VPS45: variants seen among roughly 807,000 people sequenced by gnomAD.
The protein encoded by VPS45 is vacuolar protein sorting 45 homolog, also known as vacuolar protein sorting-associated protein 45.
A neutral mutation model predicts 75.9 loss-of-function variants in VPS45; 35 were observed. The observed-to-expected ratio is 0.46, with a 90% CI of 0.35 to 0.61. The LOEUF (loss-of-function observed/expected upper bound fraction) is 0.61, where lower values mean the gene tolerates loss of function less well. VPS45 is among the 20% of genes least tolerant of loss of function. VPS45 has a pLI of 0.00. For missense variants in VPS45, 559 were observed against 685.9 expected (o/e 0.81, Z 2.07); for synonymous variants, 220 against 238.2 (o/e 0.92, Z 0.70).
At chr1:150,085,527 C>A (rs587606033) in intron 10 of VPS45, among the ~76,000 whole-genome samples, 1 of 152,122 alleles carries the variant, frequency 6.6e-6, no homozygotes, top group African/African-American at 2.4e-5. Flanking sequence ...GATTTGGAGT[C>A]CCCCATCATA....
intron 13 of VPS45, 152 bp from the exon 14 acceptor site, chr1:150,110,344 T>C: frequency 2.8e-6 from 2 of 705,564 alleles, no homozygotes; most frequent in Non-Finnish European, 4.3e-6. Flanking sequence ...TTTCAGATAA[T>C]TGAAACTTTT....
At chr1:150,136,499 G>A (rs1394815866) in intron 14 of VPS45, among the ~76,000 whole-genome samples, 9 of 151,998 alleles carry the variant, frequency 5.9e-5, no homozygotes, top group Admixed American at 6.5e-5. Context: ...AGGTTGCAGC[G>A]AGCCAAGATC....
At chr1:150,136,303 C>T (rs1553813691) in intron 14 of VPS45, among the ~76,000 whole-genome samples, 1 of 149,148 alleles carries the variant, frequency 6.7e-6, no homozygotes, top group Admixed American at 6.7e-5. Context: ...CCTGTAATCT[C>T]GGCACTTTGG....
intron 11 of VPS45, 31 bp downstream of exon 11, chr1:150,092,126 A>T (rs1553802048): frequency 6.2e-7 from 1 of 1,600,314 alleles, no homozygotes; most frequent in East Asian, 2.2e-5. Context: ...CCCACCAAAC[A>T]GGAACCAACT....
rs587615396 is a variant in VPS45, at chr1:150,072,310, T to G, written c.289+84T>G. ...TTGAGCCCTTCATATCATCAATAAC[T>G]TCATTGAATCTGTCACTATAAAAGT... On this transcript the variant is annotated intron_variant, in intron 3 of 14. Transcript: ENST00000644510. 7.5e-4 allele frequency: 704 copies of G among 940,230 alleles called. 4 individuals are homozygous for G. Among genetic ancestry groups the G allele is most frequent in the South Asian group, 3.5e-3 (213 of 61,066 alleles). 58.2% of individuals were successfully genotyped at this position (940,230 alleles called of 1,614,324 possible).
At chr1:150,114,751 A>G (rs1657837805) in intron 14 of VPS45, among the ~76,000 whole-genome samples, 1 of 151,848 alleles carries the variant, frequency 6.6e-6, no homozygotes, top group Non-Finnish European at 1.5e-5. Flanking sequence ...CTCTACAAAA[A>G]AACACAAAAA....
chr1:150,118,176 C>T (rs1165007158), intron 14 of VPS45, among the ~76,000 whole-genome samples: 2 of 145,152 alleles, frequency 1.4e-5, no homozygotes, highest in South Asian at 2.3e-4. Flanking sequence ...CCCAGCTACT[C>T]GGGAGGCTGA....
intron 2 of VPS45, 102 bp downstream of exon 2, chr1:150,068,866 GCAT>G: frequency 1.6e-6 from 2 of 1,236,392 alleles, no homozygotes; most frequent in Non-Finnish European, 1.1e-6. Flanking sequence ...ATAATTTGTG[GCAT>G]CATAATTATC....
At chr1:150,077,582 A>T in intron 6 of VPS45, 87 bp from the exon 7 acceptor site, 3 of 943,190 alleles carry the variant, frequency 3.2e-6, no homozygotes, top group Non-Finnish European at 5.0e-6. Context: ...AACTATTGTT[A>T]AATGTAGTGT....
At chr1:150,075,495 T>C (rs1483366579) in intron 3 of VPS45, among the ~76,000 whole-genome samples, 1 of 152,196 alleles carries the variant, frequency 6.6e-6, no homozygotes, top group Non-Finnish European at 1.5e-5. Context: ...TGGCTGCTTA[T>C]TCTTTTGATA....
intron 14 of VPS45, among the ~76,000 whole-genome samples, chr1:150,131,323 A>G (rs1225057102): frequency 6.6e-6 from 1 of 152,096 alleles, no homozygotes; most frequent in African/African-American, 2.4e-5. Context: ...AGCCTGGCCA[A>G]CGTGGTGACA....
chr1:150,120,073 A>C (rs1553809276), intron 14 of VPS45, among the ~76,000 whole-genome samples: 1 of 151,540 alleles, frequency 6.6e-6, no homozygotes, highest in East Asian at 1.9e-4. Context: ...GCGCCATCGC[A>C]CTCCAGCCTG....
At chr1:150,077,276 AT>A in intron 6 of VPS45, 45 bp downstream of exon 6, 2 of 1,584,486 alleles carry the variant, frequency 1.3e-6, no homozygotes, top group Non-Finnish European at 1.7e-6. Flanking sequence ...AAGGCCATTC[AT>A]TTCTCTATCA....
At chr1:150,090,410 C>T (rs2101561617) in intron 10 of VPS45, among the ~76,000 whole-genome samples, 1 of 152,188 alleles carries the variant, frequency 6.6e-6, no homozygotes, top group Admixed American at 6.5e-5. Flanking sequence ...TTTTTGCATA[C>T]ATGTTTCTGT....
chr1:150,095,635 A>G (rs931935494), intron 13 of VPS45, among the ~76,000 whole-genome samples: 12 of 150,772 alleles, frequency 8.0e-5, no homozygotes, highest in African/African-American at 2.4e-4. Context: ...AAGCAATCAC[A>G]CTATGATTAG....
chr1:150,128,796 G>A (rs2101643474), intron 14 of VPS45, among the ~76,000 whole-genome samples: 1 of 151,732 alleles, frequency 6.6e-6, no homozygotes, highest in Admixed American at 6.6e-5. Context: ...CTGGAGTGCA[G>A]TGGCACGATC....
chr1:150,144,652 T>C, intron 14 of VPS45, 57 bp from the exon 15 acceptor site: 1 of 1,467,020 alleles, frequency 6.8e-7, no homozygotes, highest in East Asian at 2.3e-5. Flanking sequence ...AGCAAGACAT[T>C]CTATTTTTGG....
At chr1:150,121,341 A>G (rs1336016742) in intron 14 of VPS45, among the ~76,000 whole-genome samples, 1 of 152,204 alleles carries the variant, frequency 6.6e-6, no homozygotes, top group African/African-American at 2.4e-5. Flanking sequence ...TTAAAGATAT[A>G]ACTGTTGTGC....
At position 150,092,458 on chromosome 1, in the gene VPS45, T is replaced by G. The variant is rs183091858; in HGVS notation, c.1371+49T>G. 59 of 1,487,128 alleles carry G rather than the reference T, an allele frequency of 4.0e-5. No individual in the cohort carries two copies. In the African/African-American group the frequency reaches 7.3e-4, roughly 18 times the overall value. The allele number at this position is 1,487,128 out of a possible 1,614,324, so 92.1% of individuals were successfully genotyped here. A position where few individuals can be genotyped will look rare whatever the true frequency, so the allele number is the denominator to read the frequency against. Reference sequence around the variant, plus strand: ...TCCTGAGTGAGAACAGTTGAAGTCCTTGAGGCTGAGAGTGAATGAATATGA... The same window carrying G: ...TCCTGAGTGAGAACAGTTGAAGTCCGTGAGGCTGAGAGTGAATGAATATGA... On this transcript the variant is annotated intron_variant, in intron 12 of 14. Coordinates refer to ENST00000644510, the MANE Select transcript of VPS45 (RefSeq NM_007259.5).
Sources: allele counts gnomAD v4.1 joint callset (sites outside exome capture counted in the v4.1 genomes callset), GRCh38; gene constraint gnomAD v4.1.1; transcripts MANE v1.5; gene names NCBI Gene and HGNC (gene_info 2026-07-23, HGNC 2026-07-21).